Variants in GPD1L observed in about 807,000 individuals in gnomAD.
GPD1L encodes glycerol-3-phosphate dehydrogenase 1-like protein.
Under a neutral mutation model 32.9 loss-of-function variants are expected in GPD1L, and 17 were observed. The observed-to-expected ratio is 0.52, with a 90% CI of 0.35 to 0.78. The LOEUF (loss-of-function observed/expected upper bound fraction) is 0.78, where lower values mean the gene tolerates loss of function less well. GPD1L is among the 30% of genes least tolerant of loss of function. The pLI is 0.01. For missense variants in GPD1L, 361 were observed against 447.8 expected, an observed-to-expected ratio of 0.81 and a Z score of 1.75; for synonymous variants, 187 against 165.9, an observed-to-expected ratio of 1.13 and a Z score of -0.98.
At chr3:32,139,394 C>T (rs907164961) in intron 3 of GPD1L, among the ~76,000 whole-genome samples, 2 of 152,128 alleles carry the variant, frequency 1.3e-5, no homozygotes, top group Non-Finnish European at 2.9e-5. Context: ...TTAGACCTGC[C>T]ATGATATCTT....
At chr3:32,125,958 A>G (rs1364823697) in intron 1 of GPD1L, among the ~76,000 whole-genome samples, 2 of 152,216 alleles carry the variant, frequency 1.3e-5, no homozygotes, top group East Asian at 3.9e-4. Flanking sequence ...TGTCACTTTA[A>G]GCCCCATTGA....
chr3:32,168,435 A>G lies in GPD1L; in HGVS notation c.*2525A>G, dbSNP rs7363. 0.5 allele frequency: 75,695 copies of G among 152,456 alleles called. 20,009 individuals carry two copies. The highest frequency in any genetic ancestry group is 0.66 in the African/African-American group (27,383 of 41,466). The allele number at this position is 152,456 out of a possible 1,614,324, so 9.4% of individuals were successfully genotyped here. ...TTGCCTTGCTAGGATCCACCCTCCT[A>G]TAATATGGAACAAATATCTGAATGA... On this transcript the variant is annotated 3_prime_UTR_variant, in exon 8 of 8. Coordinates refer to ENST00000282541, the MANE Select transcript of GPD1L (RefSeq NM_015141.4).
chr3:32,122,239 C>G (rs1462708203), intron 1 of GPD1L, among the ~76,000 whole-genome samples: 1 of 151,914 alleles, frequency 6.6e-6, no homozygotes, highest in Non-Finnish European at 1.5e-5. Context: ...ATAAAAGACT[C>G]TACACTACAA....
intron 5 of GPD1L, among the ~76,000 whole-genome samples, chr3:32,151,611 C>G (rs1168446879): frequency 2.0e-5 from 3 of 152,172 alleles, no homozygotes; most frequent in African/African-American, 7.2e-5. Flanking sequence ...TTCTGAGTAA[C>G]TGGGACTATA....
At chr3:32,108,324 G>A (rs942801443) in intron 1 of GPD1L, among the ~76,000 whole-genome samples, 2 of 152,220 alleles carry the variant, frequency 1.3e-5, no homozygotes, top group South Asian at 4.1e-4. Flanking sequence ...TTGAGACCAC[G>A]GTGAAACCCC....
chr3:32,162,418 G>A lies in GPD1L; in HGVS notation c.959+2744G>A, dbSNP rs923831425. Among the ~76,000 whole-genome samples, 19 of 57,150 alleles carry A rather than the reference G, an allele frequency of 3.3e-4. 6 individuals are homozygous for A. Among genetic ancestry groups the A allele is most frequent in the African/African-American group, 1.6e-3 (14 of 8,604 alleles). 37.5% of individuals were successfully genotyped at this position (57,150 alleles called of 152,430 possible). A position where few individuals can be genotyped will look rare whatever the true frequency, so the allele number is the denominator to read the frequency against. ...TTTTGAGACGGAGTCTCGCTCTGTC[G>A]CCCAGGCCGGACTGCGGACTGCAGT... On this transcript the variant is annotated intron_variant, in intron 7 of 7. Transcript: ENST00000282541.
intron 1 of GPD1L, among the ~76,000 whole-genome samples, chr3:32,114,699 G>A (rs1559568174): frequency 6.6e-6 from 1 of 151,856 alleles, no homozygotes; most frequent in Non-Finnish European, 1.5e-5. Flanking sequence ...TGAAGCCGCG[G>A]ACCCTCACGG....
intron 7 of GPD1L, among the ~76,000 whole-genome samples, chr3:32,161,064 G>A (rs914013131): frequency 3.9e-5 from 6 of 152,092 alleles, no homozygotes; most frequent in African/African-American, 7.2e-5. Context: ...GAGGGTCGTG[G>A]ATGTTGTTGC....
intron 1 of GPD1L, among the ~76,000 whole-genome samples, chr3:32,109,812 C>G (rs1026987706): frequency 6.6e-6 from 1 of 152,242 alleles, no homozygotes; most frequent in Non-Finnish European, 1.5e-5. Context: ...AACTTACCTT[C>G]AGGTCTGAGA....
intron 1 of GPD1L, among the ~76,000 whole-genome samples, chr3:32,126,691 A>G (rs565171083): frequency 6.6e-6 from 1 of 152,362 alleles, no homozygotes; most frequent in South Asian, 2.1e-4. Flanking sequence ...GTACAGCTGC[A>G]TAGCCTTGAT....
intron 5 of GPD1L, among the ~76,000 whole-genome samples, chr3:32,153,361 C>T (rs563378508): frequency 2.6e-5 from 4 of 152,340 alleles, no homozygotes; most frequent in East Asian, 1.9e-4. Context: ...AATTCCATTT[C>T]GGAGTCACAG....
chr3:32,153,027 T>TA (rs1212450807), intron 5 of GPD1L, among the ~76,000 whole-genome samples: 3 of 152,142 alleles, frequency 2.0e-5, no homozygotes, highest in Non-Finnish European at 4.4e-5. Flanking sequence ...ATACTTGCAT[T>TA]AAAATAAGAG....
At chr3:32,112,601 C>T (rs908254067) in intron 1 of GPD1L, among the ~76,000 whole-genome samples, 2 of 152,170 alleles carry the variant, frequency 1.3e-5, no homozygotes, top group African/African-American at 4.8e-5. Context: ...GGCACCATTG[C>T]ACTCCAGCCT....
At position 32,106,663 on chromosome 3, in the gene GPD1L, G is replaced by A; in HGVS notation, c.-49G>A. Reference sequence around the variant, plus strand: ...GGGCAAGGCTGAACAGGCGGAGGTGGGCAGCCGGCCAGGGAAGCACGGTCC... The same window carrying A: ...GGGCAAGGCTGAACAGGCGGAGGTGAGCAGCCGGCCAGGGAAGCACGGTCC... On this transcript the variant is annotated 5_prime_UTR_variant, in exon 1 of 8. Coordinates refer to ENST00000282541, the MANE Select transcript of GPD1L (RefSeq NM_015141.4). The surrounding 1 kb of genome is among the most constrained non-coding windows in gnomAD (Gnocchi z 4.0). 2.7e-6 allele frequency: 4 copies of A among 1,477,882 alleles called. No individual in the cohort carries two copies. In the South Asian group the frequency reaches 5.6e-5, roughly 21 times the overall value. The allele number at this position is 1,477,882 out of a possible 1,614,324, so 91.5% of individuals were successfully genotyped here.
intron 5 of GPD1L, among the ~76,000 whole-genome samples, chr3:32,149,763 T>C (rs1419804619): frequency 1.3e-5 from 2 of 151,964 alleles, no homozygotes; most frequent in African/African-American, 4.8e-5. Context: ...GTCTGGCCAA[T>C]AGGGCGAAAC....
intron 5 of GPD1L, among the ~76,000 whole-genome samples, chr3:32,148,591 G>T (rs1011489422): frequency 6.6e-6 from 1 of 152,164 alleles, no homozygotes; most frequent in African/African-American, 2.4e-5. Flanking sequence ...CCATTGTCTT[G>T]CACAGATAAG....
At position 32,106,956 on chromosome 3, in the gene GPD1L, G is replaced by A; in HGVS notation, c.47+198G>A. Reference sequence around the variant, plus strand: ...GGGGCACTCGCTCGGGAGGCGCTGGGCTCGCGTGCGTGCGGGGGACAGCGC... The same window carrying A: ...GGGGCACTCGCTCGGGAGGCGCTGGACTCGCGTGCGTGCGGGGGACAGCGC... On this transcript the variant is annotated intron_variant, in intron 1 of 7. Transcript: ENST00000282541. The surrounding 1 kb of genome is among the most constrained non-coding windows in gnomAD (Gnocchi z 4.0). The A allele has an allele frequency of 2.3e-6, 1 of 439,712 alleles. No homozygotes were observed. The highest frequency in any genetic ancestry group is 3.8e-6 in the Non-Finnish European group (1 of 263,424). 27.2% of individuals were successfully genotyped at this position (439,712 alleles called of 1,614,324 possible).
At chr3:32,137,561 GC>G (rs1210881478) in intron 2 of GPD1L, among the ~76,000 whole-genome samples, 7 of 152,232 alleles carry the variant, frequency 4.6e-5, no homozygotes, top group African/African-American at 1.7e-4. Flanking sequence ...ACACGTAGCT[GC>G]AAGGAGCACA....
chr3:32,156,541 T>C (rs1700992106), intron 5 of GPD1L, among the ~76,000 whole-genome samples: 2 of 152,130 alleles, frequency 1.3e-5, no homozygotes, highest in African/African-American at 2.4e-5. Context: ...CATCACCCCG[T>C]GGGAGAGGGC....
Sources: gnomAD v4.1 joint callset for allele counts (sites outside exome capture counted in the v4.1 genomes callset) on GRCh38, gnomAD v4.1.1 for gene constraint, Gnocchi (gnomAD v3.1) non-coding constraint, MANE v1.5 for transcripts, NCBI Gene and HGNC (gene_info 2026-07-23, HGNC 2026-07-21) for gene names.